SPATA22: variants seen among roughly 807,000 people sequenced by gnomAD.
The protein encoded by SPATA22 is spermatogenesis associated 22, also known as spermatogenesis-associated protein 22.
Under a neutral mutation model 47.8 loss-of-function variants are expected in SPATA22, and 29 were observed. That is an observed-to-expected ratio of 0.61 (90% CI 0.45 to 0.83). The LOEUF is 0.83. Ranked by LOEUF, SPATA22 falls within the 40% of genes least tolerant of loss-of-function variation. The pLI is 0.00. For missense variants in SPATA22, 410 were observed against 421.7 expected, an observed-to-expected ratio of 0.97 and a Z score of 0.24; for synonymous variants, 133 against 140.9, an observed-to-expected ratio of 0.94 and a Z score of 0.40.
intron 7 of SPATA22, among the ~76,000 whole-genome samples, chr17:3,444,711 T>C (rs549943224): frequency 6.6e-6 from 1 of 152,186 alleles, no homozygotes; most frequent in South Asian, 2.1e-4. Context: ...CAACACAATA[T>C]TATACATAGC....
intron 1 of SPATA22, chr17:3,498,799 T>A: frequency 8.3e-7 from 1 of 1,210,616 alleles, no homozygotes; most frequent in Non-Finnish European, 1.1e-6. Context: ...AACAACAGAA[T>A]ACTGTAATTT....
intron 5 of SPATA22, among the ~76,000 whole-genome samples, chr17:3,458,204 C>G (rs2073039562): frequency 6.6e-6 from 1 of 152,120 alleles, no homozygotes; most frequent in South Asian, 2.1e-4. Context: ...AGATGGCCAA[C>G]AGGTATATAA....
At chr17:3,502,884 A>G (rs1308731777) in intron 1 of SPATA22, 1 of 152,292 alleles carries the variant, frequency 6.6e-6, no homozygotes, top group Non-Finnish European at 1.5e-5. Flanking sequence ...AGCTGTTGCC[A>G]GCAGAGGTGG....
chr17:3,447,014 C>A (rs944312740), intron 6 of SPATA22, among the ~76,000 whole-genome samples: 3 of 152,036 alleles, frequency 2.0e-5, no homozygotes, highest in Non-Finnish European at 4.4e-5. Context: ...CTACTACATG[C>A]CAAACATAGC....
chr17:3,478,303 C>A (rs1052304583), intron 1 of SPATA22, among the ~76,000 whole-genome samples: 7 of 152,168 alleles, frequency 4.6e-5, no homozygotes, highest in African/African-American at 1.7e-4. Context: ...TTAGTCTCAA[C>A]ACAGATCAAA....
intron 1 of SPATA22, among the ~76,000 whole-genome samples, chr17:3,506,054 G>C (rs536207564): frequency 6.6e-6 from 1 of 152,122 alleles, no homozygotes; most frequent in East Asian, 1.9e-4. Flanking sequence ...CACCATGCCC[G>C]GCTGCTTTTC....
intron 1 of SPATA22, chr17:3,513,160 C>G (rs2150775396): frequency 6.5e-6 from 1 of 152,794 alleles, no homozygotes; most frequent in South Asian, 2.1e-4. Flanking sequence ...CCAAAGCCCC[C>G]AGTCTGTCTC....
intron 5 of SPATA22, among the ~76,000 whole-genome samples, chr17:3,460,995 T>G (rs1233980354): frequency 6.6e-6 from 1 of 152,116 alleles, no homozygotes; most frequent in Non-Finnish European, 1.5e-5. Context: ...GAATGAAATC[T>G]ATATTGATAA....
chr17:3,481,342 A>G (rs942870199), intron 1 of SPATA22, among the ~76,000 whole-genome samples: 6 of 152,194 alleles, frequency 3.9e-5, no homozygotes, highest in Non-Finnish European at 8.8e-5. Context: ...ATTCTGTTTG[A>G]TATGTCCTAT....
At chr17:3,497,443 G>A (rs1458058970) in intron 1 of SPATA22, among the ~76,000 whole-genome samples, 1 of 152,124 alleles carries the variant, frequency 6.6e-6, no homozygotes, top group Non-Finnish European at 1.5e-5. Context: ...CATGGTTGCG[G>A]GTTATATGAC....
intron 1 of SPATA22, among the ~76,000 whole-genome samples, chr17:3,496,852 G>T (rs1299505797): frequency 6.6e-6 from 1 of 152,052 alleles, no homozygotes; most frequent in Non-Finnish European, 1.5e-5. Flanking sequence ...GGATCACGCG[G>T]TCAGGAGATC....
At chr17:3,513,232 G>A (rs2074137549) in intron 1 of SPATA22, 1 of 152,556 alleles carries the variant, frequency 6.6e-6, no homozygotes, top group Non-Finnish European at 1.5e-5. Context: ...TGTCTTTTCC[G>A]TATTGCAAGT....
chr17:3,463,634 C>G (rs539993291), intron 3 of SPATA22, among the ~76,000 whole-genome samples: 14 of 151,148 alleles, frequency 9.3e-5, no homozygotes, highest in Non-Finnish European at 1.5e-4. Flanking sequence ...GTACACTAAA[C>G]ACACCATACA....
chr17:3,498,520 C>T (rs972299951), intron 1 of SPATA22, among the ~76,000 whole-genome samples: 12 of 151,914 alleles, frequency 7.9e-5, no homozygotes, highest in African/African-American at 2.4e-4. Context: ...GCTAATTTTT[C>T]GTATTTTTTC....
upstream of SPATA22, among the ~76,000 whole-genome samples, chr17:3,473,711 T>C (rs975019060): frequency 2.6e-5 from 4 of 152,188 alleles, no homozygotes; most frequent in African/African-American, 4.8e-5. Context: ...TTGGCCAGGA[T>C]GGTCTCGAAC....
At chr17:3,512,068 T>C (rs2074120094) in intron 1 of SPATA22, 3 of 152,228 alleles carry the variant, frequency 2.0e-5, no homozygotes. Context: ...ACATTCCTCA[T>C]TAAGTGCGCA....
intron 1 of SPATA22, chr17:3,494,281 G>A: frequency 1.6e-6 from 2 of 1,221,564 alleles, no homozygotes; most frequent in Non-Finnish European, 2.4e-6. Context: ...TGGGATGACA[G>A]GCATGAGCCA....
upstream of SPATA22, chr17:3,471,889 T>A (rs1480349217): frequency 2.0e-6 from 2 of 984,346 alleles, no homozygotes; most frequent in African/African-American, 3.5e-5. Context: ...GCATCTTCGC[T>A]GCCTGCCTGG....
intron 5 of SPATA22, among the ~76,000 whole-genome samples, chr17:3,453,301 T>A (rs2072906211): frequency 6.6e-6 from 1 of 152,184 alleles, no homozygotes; most frequent in Non-Finnish European, 1.5e-5. Context: ...TTGAAATATT[T>A]TTTAACAAAA....
Sources: allele counts gnomAD v4.1 joint callset (sites outside exome capture counted in the v4.1 genomes callset), GRCh38; gene constraint gnomAD v4.1.1; transcripts MANE v1.5; gene names NCBI Gene and HGNC (gene_info 2026-07-23, HGNC 2026-07-21).